Variants in CRYBG1 observed in about 807,000 individuals in gnomAD.
CRYBG1 encodes crystallin beta-gamma domain containing 1.
Under a neutral mutation model 189.2 loss-of-function variants are expected in CRYBG1, and 139 were observed. That is an observed-to-expected ratio of 0.73 (90% CI 0.64 to 0.85). CRYBG1 has a LOEUF of 0.85. Among genes scored for constraint, CRYBG1 ranks in the 40% least tolerant of loss-of-function variants. The pLI is 0.00. For synonymous variants in CRYBG1, 1,023 were observed against 1,017.1 expected, an observed-to-expected ratio of 1.01 and a Z score of -0.11; for missense variants, 2,611 against 2,675.8, an observed-to-expected ratio of 0.98 and a Z score of 0.53.
intron 1 of CRYBG1, among the ~76,000 whole-genome samples, chr6:106,363,829 A>G (rs888023158): frequency 3.3e-5 from 5 of 152,308 alleles, no homozygotes; most frequent in Admixed American, 2.6e-4. Context: ...GGTTGTCATG[A>G]ATATTAAATG....
In CRYBG1 at chr6:106,563,064, G is replaced by T. The variant is rs543632033; in HGVS notation, c.6139-700G>T. Among the ~76,000 whole-genome samples, 34 of 152,224 alleles carry T rather than the reference G, an allele frequency of 2.2e-4. No individual in the cohort carries two copies. The South Asian group carries it at 6.9e-3, about 31-fold the overall frequency. ...CTCACCTTGGCCTCCCAAAGAGTTGGGATTACAGTTGTGAGCCACTGTACC... is the reference window on the plus strand; with the variant it reads ...CTCACCTTGGCCTCCCAAAGAGTTGTGATTACAGTTGTGAGCCACTGTACC... On this transcript the variant is annotated intron_variant, in intron 20 of 21. Transcript: ENST00000633556.
chr6:106,560,990 C>T (rs1774702006), intron 19 of CRYBG1, 64 bp downstream of exon 19: 4 of 1,466,018 alleles, frequency 2.7e-6, no homozygotes, highest in Non-Finnish European at 2.7e-6. Context: ...AAATGCAATC[C>T]AACTTTTTAT....
chr6:106,454,751 C>A (rs1317537075), intron 2 of CRYBG1: 2 of 152,176 alleles, frequency 1.3e-5, no homozygotes, highest in African/African-American at 4.8e-5. Context: ...TATTTGTATA[C>A]TATTTTTAAC....
intron 1 of CRYBG1, among the ~76,000 whole-genome samples, chr6:106,433,782 TATAA>T (rs1771397165): frequency 5.2e-5 from 7 of 135,620 alleles, no homozygotes; most frequent in African/African-American, 1.4e-4. Context: ...TGTATATATA[TATAA>T]ACATACACAC....
Position 106,517,381 on chromosome 6 carries a change from T to C in CRYBG1, c.1923-1750T>C, listed in dbSNP as rs370124331. Among the ~76,000 whole-genome samples the C allele has an allele frequency of 4.2e-3, 204 of 48,556 alleles. 2 individuals are homozygous for C. Among genetic ancestry groups the C allele is most frequent in the African/African-American group, 0.014 (191 of 13,370 alleles). The allele number at this position is 48,556 out of a possible 152,430, so 31.9% of individuals were successfully genotyped here. ...ATATACACATATATACACACACACA[T>C]ATACACACATATATATATATACACA... is the stretch of plus-strand genomic sequence containing the variant. On this transcript the variant is annotated intron_variant, in intron 3 of 21. Transcript: ENST00000633556.
At chr6:106,559,949 G>C (rs765750150) in intron 18 of CRYBG1, among the ~76,000 whole-genome samples, 1 of 151,456 alleles carries the variant, frequency 6.6e-6, no homozygotes, top group Non-Finnish European at 1.5e-5. Context: ...ACAAAAATTA[G>C]TCGGGTGTGG....
At chr6:106,458,953 G>A (rs1192590560) in intron 2 of CRYBG1, among the ~76,000 whole-genome samples, 1 of 152,162 alleles carries the variant, frequency 6.6e-6, no homozygotes, top group Non-Finnish European at 1.5e-5. Flanking sequence ...CCAGGCTGGA[G>A]GACGTTGCTT....
chr6:106,406,578 A>G (rs879113417), intron 1 of CRYBG1, among the ~76,000 whole-genome samples: 1 of 152,250 alleles, frequency 6.6e-6, no homozygotes, highest in South Asian at 2.1e-4. Flanking sequence ...CCCAAGACAC[A>G]TAATCATCAG....
At chr6:106,402,892 G>A (rs1025934607) in intron 1 of CRYBG1, among the ~76,000 whole-genome samples, 1 of 152,170 alleles carries the variant, frequency 6.6e-6, no homozygotes, top group Non-Finnish European at 1.5e-5. Context: ...CACAACCTCC[G>A]ATGGCATGGC....
In CRYBG1 at chr6:106,521,211, C is replaced by CA; in HGVS notation, c.4008dup (p.Glu1337ArgfsTer19). ...TCCAAGCCACATGGAAAAATACCCG[C>CA]AAAAAGAGAAAACCAAAGAAGATCT... On this transcript the variant is annotated frameshift_variant, in exon 4 of 22. Coordinates refer to ENST00000633556, the MANE Select transcript of CRYBG1 (RefSeq NM_001371242.2). LOFTEE classifies it high-confidence loss of function. 1 of 1,613,836 alleles carries CA rather than the reference C, an allele frequency of 6.2e-7. No individual in the cohort carries two copies. The highest frequency in any genetic ancestry group is 8.5e-7 in the Non-Finnish European group (1 of 1,179,928).
At chr6:106,423,838 G>A (rs1771177481) in intron 1 of CRYBG1, among the ~76,000 whole-genome samples, 1 of 151,236 alleles carries the variant, frequency 6.6e-6, no homozygotes, top group African/African-American at 2.4e-5. Flanking sequence ...CTCAGTGGCT[G>A]GAACTACAGG....
intron 2 of CRYBG1, among the ~76,000 whole-genome samples, chr6:106,465,827 GTCTTTTATA>G (rs1259456704): frequency 2.0e-5 from 3 of 152,118 alleles, no homozygotes; most frequent in African/African-American, 7.2e-5. Flanking sequence ...TAGCCAGCTT[GTCTTTTATA>G]TCTTGTAATT....
At chr6:106,534,321 C>T (rs1185629466) in intron 8 of CRYBG1, among the ~76,000 whole-genome samples, 1 of 152,170 alleles carries the variant, frequency 6.6e-6, no homozygotes, top group African/African-American at 2.4e-5. Context: ...TCATGGTGAG[C>T]ATCTTCTTTT....
intron 2 of CRYBG1, among the ~76,000 whole-genome samples, chr6:106,495,459 T>G (rs1014568975): frequency 1.3e-5 from 2 of 152,048 alleles, no homozygotes; most frequent in Non-Finnish European, 2.9e-5. Context: ...TAAGACTTTG[T>G]TTTGGACTTA....
intron 1 of CRYBG1, among the ~76,000 whole-genome samples, chr6:106,433,034 T>C (rs906543233): frequency 3.8e-4 from 57 of 151,866 alleles, no homozygotes; most frequent in African/African-American, 1.2e-3. Context: ...AGAGAAGGGG[T>C]TTCACGATGT....
At chr6:106,458,800 G>A (rs539035313) in intron 2 of CRYBG1, among the ~76,000 whole-genome samples, 3 of 152,242 alleles carry the variant, frequency 2.0e-5, no homozygotes, top group East Asian at 1.9e-4. Context: ...CACATGGGAC[G>A]TGGAGGTGCC....
Position 106,520,106 on chromosome 6 carries a change from C to T in CRYBG1, c.2898C>T (p.Ser966=). Residue 966 remains serine, a synonymous_variant, in exon 4 of 22, where the codon AGC becomes AGT. Coordinates refer to ENST00000633556, the MANE Select transcript of CRYBG1 (RefSeq NM_001371242.2). ...GGTCCTTCGTGCTCCCCGTGGAGAG[C>T]ACCCAGGATGTGAGCTCCCAGGTCA... ...QVRSFVLPVE[S]TQDVSSQVIP... 1 of 1,614,116 alleles carries T rather than the reference C, an allele frequency of 6.2e-7. No homozygotes were observed. The highest frequency in any genetic ancestry group is 8.5e-7 in the Non-Finnish European group (1 of 1,180,020).
chr6:106,380,513 G>A (rs1430639825), intron 1 of CRYBG1, among the ~76,000 whole-genome samples: 4 of 152,098 alleles, frequency 2.6e-5, no homozygotes, highest in East Asian at 1.9e-4. Flanking sequence ...GATGTTACCC[G>A]TTTCTGTGAC....
chr6:106,473,183 AATT>A (rs1319612644), intron 2 of CRYBG1, among the ~76,000 whole-genome samples: 1 of 152,176 alleles, frequency 6.6e-6, no homozygotes, highest in Non-Finnish European at 1.5e-5. Context: ...TTTTCTTCTT[AATT>A]ATTATAGAAA....
Sources: gnomAD v4.1 joint callset for allele counts (sites outside exome capture counted in the v4.1 genomes callset) on GRCh38, gnomAD v4.1.1 for gene constraint, MANE v1.5 for transcripts, NCBI Gene and HGNC (gene_info 2026-07-23, HGNC 2026-07-21) for gene names.